Variants in SYT9 observed in about 807,000 individuals in gnomAD.
SYT9 encodes the protein synaptotagmin 9.
SYT9 carries 22 observed loss-of-function variants against 48.4 expected under a neutral mutation model. The ratio of observed to expected loss-of-function variants is 0.45; its 90% CI spans 0.32 to 0.65. SYT9 has a LOEUF of 0.65. Among genes scored for constraint, SYT9 ranks in the 30% least tolerant of loss-of-function variants. The pLI is 0.03. For missense variants in SYT9, 577 were observed against 622.0 expected, an observed-to-expected ratio of 0.93 and a Z score of 0.77; for synonymous variants, 265 against 245.0, an observed-to-expected ratio of 1.08 and a Z score of -0.76.
At chr11:7,345,258 T>C (rs981472637) in intron 3 of SYT9, among the ~76,000 whole-genome samples, 1 of 152,232 alleles carries the variant, frequency 6.6e-6, no homozygotes, top group African/African-American at 2.4e-5. Flanking sequence ...GCCTGGGTTT[T>C]CACCTGTCTG....
At chr11:7,310,465 G>C (rs1462071729) in intron 2 of SYT9, among the ~76,000 whole-genome samples, 2 of 48,906 alleles carry the variant, frequency 4.1e-5, no homozygotes, top group East Asian at 7.6e-4. Flanking sequence ...TTTTTTTTTT[G>C]AGACGGAGTC....
At chr11:7,419,895 C>CA (rs915869738) in intron 5 of SYT9, among the ~76,000 whole-genome samples, 6 of 150,278 alleles carry the variant, frequency 4.0e-5, no homozygotes, top group Admixed American at 6.6e-5. Flanking sequence ...GACTCCATTT[C>CA]AAAAAAAAAG....
chr11:7,246,279 T>A (rs565622956), intron 1 of SYT9, among the ~76,000 whole-genome samples: 1 of 152,166 alleles, frequency 6.6e-6, no homozygotes, highest in Non-Finnish European at 1.5e-5. Context: ...AAAGTTCACT[T>A]TCTATCTATG....
intron 1 of SYT9, among the ~76,000 whole-genome samples, chr11:7,276,926 C>T (rs1279920709): frequency 1.3e-5 from 2 of 150,952 alleles, no homozygotes; most frequent in South Asian, 2.1e-4. Context: ...TGGTGGCAGG[C>T]GCCTGTAATC....
intron 3 of SYT9, among the ~76,000 whole-genome samples, chr11:7,377,441 G>A (rs1564882465): frequency 6.6e-6 from 1 of 152,190 alleles, no homozygotes; most frequent in Middle Eastern, 3.4e-3. Context: ...TGGACCCAGA[G>A]GGAAGTGTTC....
intron 3 of SYT9, among the ~76,000 whole-genome samples, chr11:7,413,816 T>A (rs1273439426): frequency 6.6e-6 from 1 of 151,954 alleles, no homozygotes; most frequent in Admixed American, 6.6e-5. Flanking sequence ...TAAGCTGTAC[T>A]TGTACTCCTG....
At chr11:7,309,781 A>C (rs1388230553) in intron 2 of SYT9, among the ~76,000 whole-genome samples, 1 of 151,780 alleles carries the variant, frequency 6.6e-6, no homozygotes, top group Non-Finnish European at 1.5e-5. Flanking sequence ...CAGCCCCCAG[A>C]CCTCCAGAGG....
chr11:7,263,730 G>A (rs546669492), intron 1 of SYT9, among the ~76,000 whole-genome samples: 1 of 152,106 alleles, frequency 6.6e-6, no homozygotes, highest in East Asian at 1.9e-4. Flanking sequence ...TTAATAACAT[G>A]AAGGCTAATT....
intron 3 of SYT9, among the ~76,000 whole-genome samples, chr11:7,414,192 C>T (rs1255158983): frequency 6.6e-6 from 1 of 152,094 alleles, no homozygotes; most frequent in Non-Finnish European, 1.5e-5. Context: ...TGCGGGCCCT[C>T]AGGAAATGTA....
At chr11:7,321,170 C>T (rs988065044) in intron 3 of SYT9, among the ~76,000 whole-genome samples, 2 of 152,092 alleles carry the variant, frequency 1.3e-5, no homozygotes, top group African/African-American at 2.4e-5. Flanking sequence ...CCCTCTATGC[C>T]AATACAGATT....
In SYT9 at chr11:7,307,977, C is replaced by T. The variant is rs1172756171; in HGVS notation, c.497+4587C>T. Among the ~76,000 whole-genome samples, 85 of 152,366 alleles carry T rather than the reference C, an allele frequency of 5.6e-4. 2 individuals carry two copies. Among genetic ancestry groups the T allele is most frequent in the Non-Finnish European group, 1.2e-4 (8 of 68,032 alleles). On this transcript the variant is annotated intron_variant, in intron 2 of 6. Transcript: ENST00000318881. ...GGCCTGATGCCTGTCTCGTCATTATCTCACTTATGCTGGAAACCCTTGAAT... is the reference window on the plus strand; with the variant it reads ...GGCCTGATGCCTGTCTCGTCATTATTTCACTTATGCTGGAAACCCTTGAAT...
intron 6 of SYT9, among the ~76,000 whole-genome samples, chr11:7,432,266 A>G (rs892125497): frequency 1.3e-5 from 2 of 152,044 alleles, no homozygotes; most frequent in South Asian, 2.1e-4. Context: ...TTTAACAACA[A>G]TCGGGCATGG....
At chr11:7,367,167 C>T (rs1022514142) in intron 3 of SYT9, among the ~76,000 whole-genome samples, 3 of 145,008 alleles carry the variant, frequency 2.1e-5, no homozygotes, top group South Asian at 2.2e-4. Context: ...CTGCAAGCTC[C>T]GCCTCCCGGG....
At chr11:7,358,260 A>G (rs1331403415) in intron 3 of SYT9, among the ~76,000 whole-genome samples, 3 of 151,278 alleles carry the variant, frequency 2.0e-5, no homozygotes, top group Admixed American at 1.3e-4. Flanking sequence ...TAGCATAGAC[A>G]TTGTCTTCTT....
intron 6 of SYT9, among the ~76,000 whole-genome samples, chr11:7,466,356 G>C (rs11041405): frequency 6.6e-6 from 1 of 152,230 alleles, no homozygotes. Context: ...AAAGCAGGGG[G>C]AGTGTCCTAC....
intron 3 of SYT9, among the ~76,000 whole-genome samples, chr11:7,391,519 T>C (rs574447724): frequency 2.0e-5 from 3 of 152,070 alleles, no homozygotes; most frequent in African/African-American, 4.8e-5. Flanking sequence ...TGAGAGAGTA[T>C]CTCATTGTGG....
At chr11:7,386,959 T>C (rs1315895960) in intron 3 of SYT9, among the ~76,000 whole-genome samples, 1 of 152,204 alleles carries the variant, frequency 6.6e-6, no homozygotes, top group Non-Finnish European at 1.5e-5. Context: ...CATGGAATAC[T>C]ATGCAGCCAT....
chr11:7,465,448 T>C (rs1363150791), intron 6 of SYT9, among the ~76,000 whole-genome samples: 4 of 152,360 alleles, frequency 2.6e-5, no homozygotes, highest in Non-Finnish European at 5.9e-5. Context: ...GTTATTCCTA[T>C]ATCCATAGAA....
chr11:7,379,015 A>G (rs1435890789), intron 3 of SYT9, among the ~76,000 whole-genome samples: 1 of 152,212 alleles, frequency 6.6e-6, no homozygotes, highest in African/African-American at 2.4e-5. Flanking sequence ...TTTAAATAAA[A>G]AACAATTTTT....
Sources: allele counts gnomAD v4.1 joint callset (sites outside exome capture counted in the v4.1 genomes callset), GRCh38; gene constraint gnomAD v4.1.1; transcripts MANE v1.5; gene names NCBI Gene and HGNC (gene_info 2026-07-23, HGNC 2026-07-21).